Variants in TACR3 observed in about 807,000 individuals in gnomAD.
The protein encoded by TACR3 is neuromedin-K receptor.
In TACR3, 34 loss-of-function variants were observed where a neutral mutation model predicts 35.0. That is an observed-to-expected ratio of 0.97 (90% confidence interval 0.74 to 1.30). The LOEUF (loss-of-function observed/expected upper bound fraction) is 1.30, where lower values mean the gene tolerates loss of function less well. Among genes scored for constraint, TACR3 ranks in the 50% most tolerant of loss-of-function variants. The probability of loss-of-function intolerance (pLI) is 0.00; values close to 1 mark genes in which losing one functional copy is unlikely to be tolerated. For synonymous variants in TACR3, 233 were observed against 221.1 expected (o/e 1.05, Z -0.48); for missense variants, 558 against 591.7 (o/e 0.94, Z 0.59).
At chr4:103,663,671 G>T (rs1274759533) in intron 1 of TACR3, among the ~76,000 whole-genome samples, 1 of 152,132 alleles carries the variant, frequency 6.6e-6, no homozygotes, top group African/African-American at 2.4e-5. Flanking sequence ...TGTAGAAAGG[G>T]ACACTTGGTT....
intron 1 of TACR3, among the ~76,000 whole-genome samples, chr4:103,688,780 A>T (rs2110215155): frequency 6.6e-6 from 1 of 152,210 alleles, no homozygotes; most frequent in East Asian, 1.9e-4. Context: ...GAGAAATAGG[A>T]ACACTTTTAC....
chr4:103,631,553 G>T (rs761578515), intron 3 of TACR3, among the ~76,000 whole-genome samples: 1 of 152,136 alleles, frequency 6.6e-6, no homozygotes, highest in Non-Finnish European at 1.5e-5. Flanking sequence ...TTTCAGTCCT[G>T]AGGGAATTAA....
At chr4:103,703,305 T>C (rs924699586) in intron 1 of TACR3, among the ~76,000 whole-genome samples, 2 of 152,196 alleles carry the variant, frequency 1.3e-5, no homozygotes, top group South Asian at 2.1e-4. Flanking sequence ...ACATTTACAC[T>C]ATTGTACAAC....
rs555384790 is a variant in TACR3 at position 103,643,029 on chromosome 4, G to A, written c.888+13165C>T. Reference sequence around the variant, plus strand: ...AATGGCACTTTCTGATTGTATTCATGTCTTACTACATTATCACAATAAATG... The same window carrying A: ...AATGGCACTTTCTGATTGTATTCATATCTTACTACATTATCACAATAAATG... On this transcript the variant is annotated intron_variant, in intron 3 of 4. Transcript: ENST00000304883. Among the ~76,000 whole-genome samples, 126 of 151,874 alleles carry A rather than the reference G, an allele frequency of 8.3e-4. 1 individual carries two copies. The highest frequency in any genetic ancestry group is 4.4e-4 in the Non-Finnish European group (30 of 67,834).
chr4:103,654,086 T>C (rs1051078147), intron 3 of TACR3, among the ~76,000 whole-genome samples: 2 of 148,374 alleles, frequency 1.3e-5, no homozygotes, highest in Admixed American at 6.7e-5. Context: ...GGAACACTTT[T>C]ACACTGTTGG....
intron 1 of TACR3, among the ~76,000 whole-genome samples, chr4:103,667,972 G>A (rs776834453): frequency 2.0e-5 from 3 of 151,980 alleles, no homozygotes; most frequent in Non-Finnish European, 4.4e-5. Flanking sequence ...GGGACCAGAG[G>A]TGTGCCCCAA....
intron 4 of TACR3, 57 bp downstream of exon 4, chr4:103,591,430 T>G: frequency 6.3e-7 from 1 of 1,587,006 alleles, no homozygotes; most frequent in Non-Finnish European, 8.6e-7. Flanking sequence ...CAACATTGTA[T>G]GTTTCCAGTG....
intron 1 of TACR3, among the ~76,000 whole-genome samples, chr4:103,687,597 C>A (rs1411790578): frequency 1.3e-5 from 2 of 151,938 alleles, no homozygotes; most frequent in African/African-American, 2.4e-5. Flanking sequence ...TTCTTATACA[C>A]CAATAACAGA....
At chr4:103,687,131 A>G (rs946138345) in intron 1 of TACR3, among the ~76,000 whole-genome samples, 6 of 152,102 alleles carry the variant, frequency 3.9e-5, no homozygotes, top group African/African-American at 1.2e-4. Flanking sequence ...TATAAACAGA[A>G]CCAAAGACAA....
intron 3 of TACR3, among the ~76,000 whole-genome samples, chr4:103,631,165 G>T (rs1289395360): frequency 6.6e-6 from 1 of 151,990 alleles, no homozygotes; most frequent in Non-Finnish European, 1.5e-5. Flanking sequence ...CATCACACAT[G>T]GGGGCCTGTC....
chr4:103,673,544 A>G (rs1014639240), intron 1 of TACR3, among the ~76,000 whole-genome samples: 2 of 152,156 alleles, frequency 1.3e-5, no homozygotes, highest in African/African-American at 4.8e-5. Context: ...GAAGCTCCAA[A>G]ACAATTACCA....
intron 3 of TACR3, among the ~76,000 whole-genome samples, chr4:103,636,475 G>C (rs978137315): frequency 6.6e-6 from 1 of 151,740 alleles, no homozygotes; most frequent in Non-Finnish European, 1.5e-5. Context: ...ATTTTGGTTG[G>C]CTTACCACAC....
chr4:103,603,142 G>A (rs952297643), intron 3 of TACR3, among the ~76,000 whole-genome samples: 14 of 152,188 alleles, frequency 9.2e-5, no homozygotes, highest in Admixed American at 3.9e-4. Context: ...GTTTGATCTC[G>A]GACTGCTGTG....
intron 2 of TACR3, 94 bp downstream of exon 2, chr4:103,658,121 G>A: frequency 4.1e-6 from 5 of 1,225,946 alleles, no homozygotes; most frequent in South Asian, 2.5e-5. Context: ...AACCCTGGGG[G>A]AAATGTCAGT....
In TACR3 at chr4:103,591,605, C is replaced by A; in HGVS notation, c.967G>T (p.Ala323Ser). Residue 323 changes from alanine to serine, a missense_variant, in exon 4 of 5, where the codon GCA (alanine) becomes TCA (serine). Transcript: ENST00000304883. ...LPYHIYFILT[A>S]IYQQLNRWKY... ...CATCTATTTAGTTGTTGATAGATTG[C>A]AGTGAGAATGAAGTAAATATGATAG... is the stretch of plus-strand genomic sequence containing the variant. 6.2e-7 allele frequency: 1 copy of A among 1,613,764 alleles called. No homozygotes were observed. The highest frequency in any genetic ancestry group is 2.2e-5 in the East Asian group (1 of 44,842).
chr4:103,635,818 A>G (rs10018767), intron 3 of TACR3, among the ~76,000 whole-genome samples: 4,282 of 152,036 alleles, frequency 0.028, 212 homozygotes, highest in African/African-American at 0.097. Flanking sequence ...AGCCTAGAAA[A>G]CAATGATCCT....
chr4:103,599,666 T>G (rs879978016), intron 3 of TACR3, among the ~76,000 whole-genome samples: 19 of 152,118 alleles, frequency 1.2e-4, no homozygotes, highest in South Asian at 4.1e-4. Flanking sequence ...TAGCATGAAG[T>G]GCTGTTGAAT....
intron 3 of TACR3, among the ~76,000 whole-genome samples, chr4:103,607,520 C>T (rs1238377269): frequency 6.6e-6 from 1 of 151,568 alleles, no homozygotes; most frequent in Non-Finnish European, 1.5e-5. Flanking sequence ...ATCTTTATTG[C>T]TCTTAGTTTT....
chr4:103,689,972 T>C (rs1404011309), intron 1 of TACR3, among the ~76,000 whole-genome samples: 1 of 152,058 alleles, frequency 6.6e-6, no homozygotes, highest in Admixed American at 6.6e-5. Flanking sequence ...AGAAAAATAA[T>C]TAATTGCACA....
Sources: gnomAD v4.1 joint callset for allele counts (sites outside exome capture counted in the v4.1 genomes callset) on GRCh38, gnomAD v4.1.1 for gene constraint, MANE v1.5 for transcripts, NCBI Gene and HGNC (gene_info 2026-07-23, HGNC 2026-07-21) for gene names.